Variants in FER observed in about 807,000 individuals in gnomAD.
FER encodes the protein FER tyrosine kinase, also known as tyrosine-protein kinase Fer.
In FER, 63 loss-of-function variants were observed where a neutral mutation model predicts 111.0. The ratio of observed to expected loss-of-function variants is 0.57; its 90% confidence interval spans 0.46 to 0.70. The LOEUF (loss-of-function observed/expected upper bound fraction) is 0.70. Ranked by LOEUF, FER falls within the 30% of genes least tolerant of loss-of-function variation. The pLI is 0.00. For synonymous variants in FER, 327 were observed against 313.9 expected, an observed-to-expected ratio of 1.04 and a Z score of -0.44; for missense variants, 914 against 954.0, an observed-to-expected ratio of 0.96 and a Z score of 0.55.
chr5:108,848,410 T>C (rs903604955), intron 5 of FER, among the ~76,000 whole-genome samples: 1 of 152,212 alleles, frequency 6.6e-6, no homozygotes, highest in Non-Finnish European at 1.5e-5. Flanking sequence ...TTTGCCTTTA[T>C]TCTACCTTTC....
intron 5 of FER, among the ~76,000 whole-genome samples, chr5:108,851,423 G>A (rs746998905): frequency 6.6e-6 from 1 of 152,086 alleles, no homozygotes; most frequent in Non-Finnish European, 1.5e-5. Flanking sequence ...CTCCCACTGG[G>A]TCCCTCCCAC....
chr5:108,804,906 G>A (rs905494708), intron 3 of FER, among the ~76,000 whole-genome samples: 3 of 151,072 alleles, frequency 2.0e-5, no homozygotes, highest in Non-Finnish European at 4.4e-5. Context: ...AATAGTTTCT[G>A]TAGAATTGGT....
At position 108,873,439 on chromosome 5, in the gene FER, C is replaced by G. The variant is rs574581971; in HGVS notation, c.923+1227C>G. Among the ~76,000 whole-genome samples the G allele has an allele frequency of 5.3e-5, 8 of 152,244 alleles. No homozygotes were observed. The South Asian group carries it at 1.7e-3, about 32-fold the overall frequency. On this transcript the variant is annotated intron_variant, in intron 8 of 19. Coordinates refer to ENST00000281092, the MANE Select transcript of FER (RefSeq NM_005246.4). The stretch of plus-strand genomic sequence containing the variant: ...GGATTACAGGCGTGAGCCACTGTGC[C>G]CAGCCAGGTTTTGGAATCTTTAAAG...
At chr5:109,015,278 C>T (rs756962459) in intron 13 of FER, among the ~76,000 whole-genome samples, 7 of 152,008 alleles carry the variant, frequency 4.6e-5, no homozygotes, top group Admixed American at 1.3e-4. Context: ...ACTGCTGTAT[C>T]GGTTTCTTTT....
intron 13 of FER, among the ~76,000 whole-genome samples, chr5:109,012,260 T>G (rs1766377089): frequency 6.6e-6 from 1 of 152,230 alleles, no homozygotes; most frequent in African/African-American, 2.4e-5. Context: ...TAAGATAATG[T>G]TCACATAGAT....
At chr5:108,866,938 A>G (rs1321965224) in intron 5 of FER, among the ~76,000 whole-genome samples, 4 of 152,204 alleles carry the variant, frequency 2.6e-5, no homozygotes, top group Non-Finnish European at 5.9e-5. Context: ...TTTAACTCAT[A>G]ACATTATCAG....
intron 3 of FER, among the ~76,000 whole-genome samples, chr5:108,832,146 T>G (rs1466648404): frequency 6.6e-6 from 1 of 152,132 alleles, no homozygotes; most frequent in African/African-American, 2.4e-5. Context: ...GATGTAAAGG[T>G]ATTTGTTAGG....
chr5:109,120,524 C>G (rs1281238700), intron 17 of FER, among the ~76,000 whole-genome samples: 2 of 152,102 alleles, frequency 1.3e-5, no homozygotes, highest in Non-Finnish European at 1.5e-5. Flanking sequence ...ATTTTATAGT[C>G]AGGTAATGTG....
At chr5:108,811,133 C>T (rs1164862919) in intron 3 of FER, among the ~76,000 whole-genome samples, 1 of 151,424 alleles carries the variant, frequency 6.6e-6, no homozygotes, top group East Asian at 2.0e-4. Context: ...CTGAACCAGG[C>T]AAGTGGGTGC....
intron 2 of FER, among the ~76,000 whole-genome samples, chr5:108,782,088 G>C (rs1379428342): frequency 6.6e-6 from 1 of 152,122 alleles, no homozygotes; most frequent in Non-Finnish European, 1.5e-5. Context: ...TTACAGTTCA[G>C]TTTTTCCTAC....
intron 13 of FER, among the ~76,000 whole-genome samples, chr5:109,024,909 T>G (rs969355718): frequency 6.6e-6 from 1 of 150,634 alleles, no homozygotes; most frequent in Non-Finnish European, 1.5e-5. Flanking sequence ...TTCTCAGGTT[T>G]GTCAAAGATC....
At chr5:109,120,539 C>T (rs534921077) in intron 17 of FER, among the ~76,000 whole-genome samples, 28 of 152,082 alleles carry the variant, frequency 1.8e-4, no homozygotes, top group Middle Eastern at 3.4e-3. Context: ...AATGTGTTTC[C>T]TCCAATTCTG....
chr5:108,945,893 T>G (rs1335354415), intron 10 of FER, among the ~76,000 whole-genome samples: 1 of 152,094 alleles, frequency 6.6e-6, no homozygotes, highest in Non-Finnish European at 1.5e-5. Context: ...TATATGAATT[T>G]CTATTTCTTT....
intron 17 of FER, among the ~76,000 whole-genome samples, chr5:109,122,416 A>G (rs138450824): frequency 1.6e-3 from 245 of 151,840 alleles, no homozygotes; most frequent in African/African-American, 5.7e-3. Flanking sequence ...GTTTTATTCA[A>G]TTGTTGTCAG....
chr5:108,835,522 A>G (rs774397308), intron 4 of FER, among the ~76,000 whole-genome samples, 186 bp from the exon 5 acceptor site: 2 of 152,082 alleles, frequency 1.3e-5, no homozygotes, highest in Non-Finnish European at 2.9e-5. Flanking sequence ...TTGTTTTCAC[A>G]TGCTATTGAA....
At chr5:108,867,718 T>A (rs1269146011) in intron 5 of FER, 49 bp from the exon 6 acceptor site, 1 of 1,540,634 alleles carries the variant, frequency 6.5e-7, no homozygotes, top group Non-Finnish European at 8.8e-7. Context: ...AAGATACAAT[T>A]TTTTTTCTTA....
At position 109,037,490 on chromosome 5, in the gene FER, A is replaced by G. The variant is rs1467999032; in HGVS notation, c.1713+12A>G. ...AATTACTGGGCAAGGTATGTAATCA[A>G]CTGAGCTAAATAACCAGAAGTCTCT... On this transcript the variant is annotated intron_variant, in intron 14 of 19. Transcript: ENST00000281092. The G allele has an allele frequency of 3.7e-6, 6 of 1,607,480 alleles. No homozygotes were observed. The highest frequency in any genetic ancestry group is 2.2e-5 in the East Asian group (1 of 44,764).
chr5:109,054,375 A>G (rs1773352585), intron 16 of FER, among the ~76,000 whole-genome samples: 1 of 152,164 alleles, frequency 6.6e-6, no homozygotes, highest in Admixed American at 6.5e-5. Flanking sequence ...CCCATTGAAT[A>G]ATGATGTCAT....
chr5:108,870,156 T>G (rs944571244), intron 6 of FER, among the ~76,000 whole-genome samples: 3 of 152,124 alleles, frequency 2.0e-5, no homozygotes, highest in African/African-American at 7.2e-5. Context: ...GTATGTTATC[T>G]GTACTTTGTG....
Sources: gnomAD v4.1 joint callset for allele counts (sites outside exome capture counted in the v4.1 genomes callset) on GRCh38, gnomAD v4.1.1 for gene constraint, MANE v1.5 for transcripts, NCBI Gene and HGNC (gene_info 2026-07-23, HGNC 2026-07-21) for gene names.